CCDC146: variants seen among roughly 807,000 people sequenced by gnomAD.
CCDC146 encodes coiled-coil domain containing 146, also known as coiled-coil domain-containing protein 146.
A neutral mutation model predicts 119.3 loss-of-function variants in CCDC146; 92 were observed. The ratio of observed to expected loss-of-function variants is 0.77; its 90% CI spans 0.65 to 0.92. The LOEUF (loss-of-function observed/expected upper bound fraction) is 0.92. CCDC146 is among the 40% of genes least tolerant of loss of function. CCDC146 has a pLI of 0.00. For missense variants in CCDC146, 1,000 were observed against 1,103.0 expected, an observed-to-expected ratio of 0.91 and a Z score of 1.32; for synonymous variants, 372 against 371.8, an observed-to-expected ratio of 1.00 and a Z score of -0.01.
chr7:77,192,696 G>A (rs1046209393), intron 2 of CCDC146, among the ~76,000 whole-genome samples: 6 of 152,242 alleles, frequency 3.9e-5, no homozygotes, highest in East Asian at 3.9e-4. Flanking sequence ...AGGCCTAGGC[G>A]GGTGGATCAC....
At chr7:77,284,940 G>A (rs1167852036) in intron 15 of CCDC146, among the ~76,000 whole-genome samples, 1 of 151,656 alleles carries the variant, frequency 6.6e-6, no homozygotes, top group Non-Finnish European at 1.5e-5. Context: ...GTCAGATCCC[G>A]GTCATATCCT....
In CCDC146 at chr7:77,241,097, G is replaced by A. The variant is rs373410821; in HGVS notation, c.240-594G>A. ...GGCTGAGATGGAGTCTCACTCTGTC[G>A]CCCAGGCGGGAGTGCAGTGGCTCAA... is the stretch of plus-strand genomic sequence containing the variant. On this transcript the variant is annotated intron_variant, in intron 3 of 18. Coordinates refer to ENST00000285871, the MANE Select transcript of CCDC146 (RefSeq NM_020879.3). Among the ~76,000 whole-genome samples the A allele has an allele frequency of 1.1e-4, 16 of 147,858 alleles. No homozygotes were observed. The East Asian group carries it at 2.8e-3, about 26-fold the overall frequency.
At chr7:77,277,447 T>TTA (rs1159789215) in intron 11 of CCDC146, among the ~76,000 whole-genome samples, 1 of 152,208 alleles carries the variant, frequency 6.6e-6, no homozygotes, top group Non-Finnish European at 1.5e-5. Flanking sequence ...GATACAGAAA[T>TTA]TGATAAAGGA....
At position 77,199,097 on chromosome 7, in the gene CCDC146, TACTG is replaced by T. The variant is rs1791929419; in HGVS notation, c.156+31277_156+31280del. On this transcript the variant is annotated intron_variant, in intron 2 of 18. Transcript: ENST00000285871. ...GACTTAATCTGTCATCTATTTAACTTACTGACTCAGGTTAATGTTTATAGATACT... is the reference window on the plus strand; with the variant it reads ...GACTTAATCTGTCATCTATTTAACTTACTCAGGTTAATGTTTATAGATACT... 7 of 1,186,434 alleles carry T rather than the reference TACTG, an allele frequency of 5.9e-6. No homozygotes were observed. The South Asian group carries it at 8.8e-5, about 15-fold the overall frequency. The allele number at this position is 1,186,434 out of a possible 1,614,324, so 73.5% of individuals were successfully genotyped here. A position where few individuals can be genotyped will look rare whatever the true frequency, so the allele number is the denominator to read the frequency against.
chr7:77,187,110 T>C (rs1041675558), intron 2 of CCDC146, among the ~76,000 whole-genome samples: 12 of 152,206 alleles, frequency 7.9e-5, no homozygotes. Context: ...TTCTCCACTT[T>C]TGGTAATTTT....
intron 14 of CCDC146, chr7:77,282,291 GA>G (rs992918957): frequency 2.0e-5 from 7 of 344,818 alleles, no homozygotes; most frequent in African/African-American, 1.5e-4. Context: ...CCCACCCCAG[GA>G]AAACCTTTGG....
At chr7:77,155,072 T>C (rs1384524887) in intron 1 of CCDC146, among the ~76,000 whole-genome samples, 1 of 152,270 alleles carries the variant, frequency 6.6e-6, no homozygotes, top group African/African-American at 2.4e-5. Flanking sequence ...TCTTAGGCTC[T>C]GCTGACTGCT....
At chr7:77,216,941 A>G (rs1007608396) in intron 2 of CCDC146, among the ~76,000 whole-genome samples, 20 of 151,124 alleles carry the variant, frequency 1.3e-4, no homozygotes, top group African/African-American at 4.7e-4. Flanking sequence ...ATTTTCTCAC[A>G]GTGTCTTCAT....
At chr7:77,262,412 C>A in intron 9 of CCDC146, 105 bp downstream of exon 9, 1 of 828,126 alleles carries the variant, frequency 1.2e-6, no homozygotes, top group Middle Eastern at 2.6e-4. Context: ...GAAGAAAATA[C>A]AAGTAACAGA....
chr7:77,161,983 T>C (rs986389705), intron 1 of CCDC146, among the ~76,000 whole-genome samples: 1 of 152,126 alleles, frequency 6.6e-6, no homozygotes, highest in African/African-American at 2.4e-5. Context: ...ATTACCCATT[T>C]TTTAATGGGA....
intron 1 of CCDC146, among the ~76,000 whole-genome samples, chr7:77,149,786 C>CGA (rs59790559): frequency 0.17 from 23,192 of 135,962 alleles, 2,240 homozygotes; most frequent in Non-Finnish European, 0.23. Flanking sequence ...AAAAAAAAAG[C>CGA]GAGAGAGAGA....
chr7:77,289,465 C>T (rs17151110), intron 17 of CCDC146, among the ~76,000 whole-genome samples: 36,763 of 152,070 alleles, frequency 0.24, 5,223 homozygotes, highest in African/African-American at 0.39. Context: ...ATGATAATCT[C>T]ATAGTAGGCA....
chr7:77,129,726 A>G (rs1375968462), intron 1 of CCDC146, among the ~76,000 whole-genome samples: 1 of 152,034 alleles, frequency 6.6e-6, no homozygotes, highest in East Asian at 1.9e-4. Flanking sequence ...CAATTATTAT[A>G]ATTTTCTACT....
At chr7:77,259,215 A>T (rs1359241098) in intron 7 of CCDC146, 147 bp downstream of exon 7, 1 of 527,912 alleles carries the variant, frequency 1.9e-6, no homozygotes, top group Non-Finnish European at 3.4e-6. Context: ...TGTTTATATC[A>T]AGTTCTTTAA....
chr7:77,182,893 C>T (rs1490290590), intron 2 of CCDC146, among the ~76,000 whole-genome samples: 1 of 152,108 alleles, frequency 6.6e-6, no homozygotes, highest in Non-Finnish European at 1.5e-5. Flanking sequence ...CCAACCCCAC[C>T]ACTCCCAGGC....
chr7:77,225,709 G>A lies in CCDC146; in HGVS notation c.157-11238G>A, dbSNP rs142229836. On this transcript the variant is annotated intron_variant, in intron 2 of 18. Transcript: ENST00000285871. The stretch of plus-strand genomic sequence containing the variant: ...TGTAATCCCAACACTTTGGGAGGCC[G>A]AGGTGGGTGGATCACCTGATGTCAG... 1.8e-3 allele frequency among the ~76,000 whole-genome samples: 274 copies of A among 152,260 alleles called. 1 individual carries two copies. The highest frequency in any genetic ancestry group is 6.3e-3 in the African/African-American group (263 of 41,558).
intron 2 of CCDC146, among the ~76,000 whole-genome samples, chr7:77,172,630 T>G (rs1379217391): frequency 6.6e-6 from 1 of 152,192 alleles, no homozygotes; most frequent in Non-Finnish European, 1.5e-5. Flanking sequence ...ACTTTTACAA[T>G]CTAGTCATTC....
rs558735862 is a variant in CCDC146 at position 77,167,526 on chromosome 7, C to G, written c.-11-132C>G. 2.6e-5 allele frequency: 16 copies of G among 623,842 alleles called. No homozygotes were observed. The African/African-American group carries it at 2.9e-4, about 11-fold the overall frequency. 38.6% of individuals were successfully genotyped at this position (623,842 alleles called of 1,614,324 possible). ...TCTTTTATAATGAGATTGTAGCTAA[C>G]TTTCCTGATTTGTAGTTTCATTGAA... On this transcript the variant is annotated intron_variant, in intron 1 of 18. Transcript: ENST00000285871.
chr7:77,159,850 A>G (rs1233220027), intron 1 of CCDC146, among the ~76,000 whole-genome samples: 1 of 152,186 alleles, frequency 6.6e-6, no homozygotes, highest in Admixed American at 6.5e-5. Flanking sequence ...GCCCATGCCT[A>G]TGTCCTGAAT....
Sources: gnomAD v4.1 joint callset for allele counts (sites outside exome capture counted in the v4.1 genomes callset) on GRCh38, gnomAD v4.1.1 for gene constraint, MANE v1.5 for transcripts, NCBI Gene and HGNC (gene_info 2026-07-23, HGNC 2026-07-21) for gene names.